ERBB2: variants seen among roughly 807,000 people sequenced by gnomAD.
ERBB2 encodes receptor tyrosine-protein kinase erbB-2.
A neutral mutation model predicts 149.0 loss-of-function variants in ERBB2; 61 were observed. The ratio of observed to expected loss-of-function variants is 0.41; its 90% CI spans 0.33 to 0.51. The LOEUF (loss-of-function observed/expected upper bound fraction) is 0.51, where lower values mean the gene tolerates loss of function less well. Ranked by LOEUF, ERBB2 falls within the 20% of genes least tolerant of loss-of-function variation. The pLI, the probability that ERBB2 is intolerant of heterozygous loss-of-function variation, is 0.25. For synonymous variants in ERBB2, 633 were observed against 678.8 expected (o/e 0.93, Z 1.05); for missense variants, 1,205 against 1,655.1 (o/e 0.73, Z 4.72).
rs763458661 is a variant in ERBB2, at chr17:39,709,818, C to G, written c.580C>G (p.Pro194Ala). Residue 194 changes from proline to alanine, a missense_variant, in exon 5 of 27, where the codon CCC becomes GCC. Pro to Ala is a conservative substitution (Grantham distance 27). Transcript: ENST00000269571. ...GTCTCTGGTTCTGTCCTCAGGCCACCCCTGTTCTCCGATGTGTAAGGGCTC... is the reference window on the plus strand; with the variant it reads ...GTCTCTGGTTCTGTCCTCAGGCCACGCCTGTTCTCCGATGTGTAAGGGCTC... ...IDTNRSRACH[P>A]CSPMCKGSRC... is the part of the protein sequence containing the mutation. 3 of 1,613,158 alleles carry G rather than the reference C, an allele frequency of 1.9e-6. No individual in the cohort carries two copies. Among genetic ancestry groups the G allele is most frequent in the Non-Finnish European group, 2.5e-6 (3 of 1,179,950 alleles).
chr17:39,709,380 T>C lies in ERBB2; in HGVS notation c.502T>C (p.Leu168=), dbSNP rs925916041. ...CCAGCTCTGCTACCAGGACACGATT[T>C]TGTGGAAGGACATCTTCCACAAGAA... ...NPQLCYQDTI[L]WKDIFHKNNQ... is the part of the protein sequence containing the mutation. The change falls in exon 4 of 27, where the codon TTG becomes CTG. Residue 168 remains leucine, a synonymous_variant. Coordinates refer to ENST00000269571, the MANE Select transcript of ERBB2 (RefSeq NM_004448.4). 1.9e-6 allele frequency: 3 copies of C among 1,613,920 alleles called. No individual in the cohort carries two copies. The highest frequency in any genetic ancestry group is 8.5e-7 in the Non-Finnish European group (1 of 1,179,998).
chr17:39,698,620 G>C (rs545677200), upstream of ERBB2, among the ~76,000 whole-genome samples: 146 of 136,690 alleles, frequency 1.1e-3, no homozygotes, highest in Non-Finnish European at 1.9e-3. Flanking sequence ...CAACTCCCTA[G>C]GATGGCATAG....
chr17:39,700,179 C>A lies in ERBB2; in HGVS notation c.-60C>A, dbSNP rs960847804. ...CCCCCACCCCTCGCAGCACCCCGCG[C>A]CCCGCGCCCTCCCAGCCGGGTCCAG... On this transcript the variant is annotated 5_prime_UTR_variant, in exon 1 of 27. Coordinates refer to ENST00000269571, the MANE Select transcript of ERBB2 (RefSeq NM_004448.4). 2.2e-6 allele frequency: 3 copies of A among 1,361,400 alleles called. No homozygotes were observed. The highest frequency in any genetic ancestry group is 1.8e-5 in the South Asian group (1 of 55,092). 84.3% of individuals were successfully genotyped at this position (1,361,400 alleles called of 1,614,324 possible).
rs2143075717 is a variant in ERBB2 at position 39,725,827 on chromosome 17, T to C, written c.2846T>C (p.Ile949Thr). 4 of 1,613,882 alleles carry C rather than the reference T, an allele frequency of 2.5e-6. No individual in the cohort carries two copies. The highest frequency in any genetic ancestry group is 3.3e-4 in the Middle Eastern group (2 of 6,060). ...ERLPQPPICT[I>T]DVYMIMVKCW... is the part of the protein sequence containing the mutation. ...CTGCCCCAGCCCCCCATCTGCACCATTGATGTCTACATGATCATGGTCAAA... is the reference window on the plus strand; with the variant it reads ...CTGCCCCAGCCCCCCATCTGCACCACTGATGTCTACATGATCATGGTCAAA... The change falls in exon 23 of 27, where the codon ATT (isoleucine) becomes ACT (threonine). Residue 949 changes from isoleucine to threonine, a missense_variant. By Grantham distance (89) the Ile-to-Thr change is moderately conservative. Transcript: ENST00000269571. This position sits in a 1 kb window ranked among gnomAD's most constrained non-coding sequence, Gnocchi z 4.6.
intron 1 of ERBB2, 74 bp from the exon 2 acceptor site, chr17:39,706,916 A>G: frequency 7.2e-7 from 1 of 1,395,260 alleles, no homozygotes. Flanking sequence ...ACTTGGAGTG[A>G]GTTTGGATGG....
chr17:39,717,520 C>T (rs1261695747), intron 15 of ERBB2, 40 bp downstream of exon 15: 1 of 1,553,992 alleles, frequency 6.4e-7, no homozygotes, highest in Non-Finnish European at 8.8e-7. Context: ...GAGGACTTTC[C>T]TTTCAGGGGT....
At chr17:39,702,254 T>C (rs2058154074) in intron 1 of ERBB2, among the ~76,000 whole-genome samples, 1 of 152,160 alleles carries the variant, frequency 6.6e-6, no homozygotes, top group East Asian at 1.9e-4. Flanking sequence ...TGAGCTGTGA[T>C]TGCAAATGCT....
chr17:39,716,165 C>A, intron 12 of ERBB2, 136 bp from the exon 13 acceptor site: 1 of 1,060,046 alleles, frequency 9.4e-7, no homozygotes, highest in Non-Finnish European at 1.3e-6. Context: ...AATCTCAGAA[C>A]TCTTCCTCTC....
At chr17:39,700,719 G>C (rs983977621) in intron 1 of ERBB2, among the ~76,000 whole-genome samples, 1 of 152,166 alleles carries the variant, frequency 6.6e-6, no homozygotes, top group Admixed American at 6.5e-5. Context: ...GGCCTGGGCT[G>C]GATTCCTTGG....
intron 1 of ERBB2, among the ~76,000 whole-genome samples, chr17:39,700,764 C>T (rs1664812225): frequency 2.6e-5 from 4 of 152,154 alleles, no homozygotes; most frequent in African/African-American, 7.2e-5. Context: ...TCCAGCCCCT[C>T]CCCGCTCCCC....
intron 9 of ERBB2, among the ~76,000 whole-genome samples, chr17:39,712,831 C>G (rs1427912549): frequency 2.0e-5 from 3 of 152,192 alleles, no homozygotes; most frequent in African/African-American, 7.2e-5. Flanking sequence ...AGGAAATGAA[C>G]TACCGATACA....
chr17:39,688,167 C>A, exon 1 of ERBB2: 1 of 647,538 alleles, frequency 1.5e-6, no homozygotes, highest in Non-Finnish European at 2.2e-6. Context: ...GGCGCCTGCC[C>A]CGCCCCTCGT....
chr17:39,704,315 C>T (rs936868534), intron 1 of ERBB2, among the ~76,000 whole-genome samples: 1 of 152,156 alleles, frequency 6.6e-6, no homozygotes, highest in African/African-American at 2.4e-5. Flanking sequence ...GTGGCTCACA[C>T]CTGTAATCCC....
At chr17:39,724,206 C>G (rs542283570) in intron 19 of ERBB2, among the ~76,000 whole-genome samples, 196 bp downstream of exon 19, 2 of 150,708 alleles carry the variant, frequency 1.3e-5, no homozygotes, top group African/African-American at 4.9e-5. Flanking sequence ...GCAACCTCCA[C>G]CTCCTGGACT....
chr17:39,710,414 G>A lies in ERBB2; in HGVS notation c.834G>A (p.Thr278=), dbSNP rs1199191596. 2.5e-6 allele frequency: 4 copies of A among 1,614,138 alleles called. No homozygotes were observed. The highest frequency in any genetic ancestry group is 3.4e-6 in the Non-Finnish European group (4 of 1,180,044). ...CCCTGGTCACCTACAACACAGACAC[G>A]TTTGAGTCCATGCCCAATCCCGAGG... The part of the protein sequence containing the change: ...CPALVTYNTD[T]FESMPNPEGR... Residue 278 remains threonine, a synonymous_variant, in exon 7 of 27, where the codon ACG becomes ACA. Transcript: ENST00000269571.
intron 2 of ERBB2, among the ~76,000 whole-genome samples, chr17:39,689,119 G>A (rs2057634618): frequency 6.6e-6 from 1 of 152,066 alleles, no homozygotes; most frequent in African/African-American, 2.4e-5. Flanking sequence ...CGTCCTGGGG[G>A]TTGGAATGAG....
intron 12 of ERBB2, 173 bp from the exon 13 acceptor site, chr17:39,716,128 C>T (rs893661473): frequency 5.2e-6 from 5 of 963,498 alleles, no homozygotes; most frequent in Non-Finnish European, 7.5e-6. Flanking sequence ...CCTGCCTTGG[C>T]ATCCTTCCCT....
In ERBB2 at chr17:39,725,760, C is replaced by T. The variant is rs2143066925; in HGVS notation, c.2779C>T (p.Pro927Ser). Residue 927 changes from proline (P) to serine (S), a missense_variant, in exon 23 of 27, where the codon CCA becomes TCA. Transcript: ENST00000269571. The surrounding 1 kb of genome is among the most constrained non-coding windows in gnomAD (Gnocchi z 4.6). ...TGGGGCCAAACCTTACGATGGGATC[C>T]CAGCCCGGGAGATCCCTGACCTGCT... The part of the protein sequence containing the change: ...TFGAKPYDGI[P>S]AREIPDLLEK... 1 of 1,613,708 alleles carries T rather than the reference C, an allele frequency of 6.2e-7. No homozygotes were observed. The highest frequency in any genetic ancestry group is 1.1e-5 in the South Asian group (1 of 91,066).
Position 39,728,430 on chromosome 17 carries a change from G to GACTGTCCCTGAAACCTAGT in ERBB2, c.*391_*409dup, listed in dbSNP as rs1455452389. 1.1e-5 allele frequency: 3 copies of GACTGTCCCTGAAACCTAGT among 264,248 alleles called. No individual in the cohort carries two copies. Among genetic ancestry groups the GACTGTCCCTGAAACCTAGT allele is most frequent in the African/African-American group, 2.2e-5 (1 of 46,350 alleles). 16.4% of individuals were successfully genotyped at this position (264,248 alleles called of 1,614,324 possible). ...TAAGAACAAAAGCGACCCATTCAGA[G>GACTGTCCCTGAAACCTAGT]ACTGTCCCTGAAACCTAGTACTGCC... is the stretch of plus-strand genomic sequence containing the variant. On this transcript the variant is annotated 3_prime_UTR_variant, in exon 27 of 27. Coordinates refer to ENST00000269571, the MANE Select transcript of ERBB2 (RefSeq NM_004448.4).
Sources: gnomAD v4.1 joint callset for allele counts (sites outside exome capture counted in the v4.1 genomes callset) on GRCh38, gnomAD v4.1.1 for gene constraint, Gnocchi (gnomAD v3.1) non-coding constraint, MANE v1.5 for transcripts, NCBI Gene and HGNC (gene_info 2026-07-23, HGNC 2026-07-21) for gene names.